Variants in SLC39A10 observed in about 807,000 individuals in gnomAD.
SLC39A10 encodes the protein zinc transporter ZIP10.
A neutral mutation model predicts 65.1 loss-of-function variants in SLC39A10; 13 were observed. The ratio of observed to expected loss-of-function variants is 0.20; its 90% CI spans 0.13 to 0.32. The LOEUF (loss-of-function observed/expected upper bound fraction) is 0.32. SLC39A10 is among the 10% of genes least tolerant of loss of function. SLC39A10 has a pLI of 1.00. For missense variants in SLC39A10, 831 were observed against 1,018.4 expected (o/e 0.82, Z 2.50); for synonymous variants, 321 against 342.2 (o/e 0.94, Z 0.68).
rs145386388 is a variant in SLC39A10, at chr2:195,701,463, T to C, written c.1217-5153T>C. Among the ~76,000 whole-genome samples, 518 of 127,076 alleles carry C rather than the reference T, an allele frequency of 4.1e-3. 11 individuals are homozygous for C. Among genetic ancestry groups the C allele is most frequent in the African/African-American group, 0.015 (492 of 32,716 alleles). 83.4% of individuals were successfully genotyped at this position (127,076 alleles called of 152,430 possible). Reference sequence around the variant, plus strand: ...TTTTTTTTTTTTTTTTTTTTTTTAATGTGCCTTGCTTTTTTGTTTCTTTGT... The same window carrying C: ...TTTTTTTTTTTTTTTTTTTTTTTAACGTGCCTTGCTTTTTTGTTTCTTTGT... On this transcript the variant is annotated intron_variant, in intron 3 of 9. Transcript: ENST00000359634.
chr2:195,698,020 G>A (rs1225056262), intron 3 of SLC39A10, among the ~76,000 whole-genome samples: 1 of 152,064 alleles, frequency 6.6e-6, no homozygotes, highest in Non-Finnish European at 1.5e-5. Flanking sequence ...ATGGTTCATT[G>A]TTAGTATATA....
intron 9 of SLC39A10, among the ~76,000 whole-genome samples, chr2:195,729,125 C>T (rs1241044298): frequency 6.6e-6 from 1 of 151,770 alleles, no homozygotes; most frequent in Non-Finnish European, 1.5e-5. Context: ...ATACCTGCCA[C>T]CACAGCCAGC....
chr2:195,731,318 G>A (rs934553460), intron 9 of SLC39A10, among the ~76,000 whole-genome samples: 1 of 152,092 alleles, frequency 6.6e-6, no homozygotes, highest in Non-Finnish European at 1.5e-5. Flanking sequence ...TCCTGCAGAC[G>A]TCCTCATGGC....
chr2:195,620,659 A>C (rs1459040148), intron 2 of SLC39A10, among the ~76,000 whole-genome samples: 2 of 151,916 alleles, frequency 1.3e-5, no homozygotes, highest in African/African-American at 4.8e-5. Flanking sequence ...ATACTGCCAT[A>C]AAATCCCCAC....
intron 1 of SLC39A10, among the ~76,000 whole-genome samples, chr2:195,667,283 G>T (rs1305953728): frequency 6.6e-6 from 1 of 152,204 alleles, no homozygotes; most frequent in African/African-American, 2.4e-5. Context: ...TTAGATAGCT[G>T]GTGAAGTAGG....
intron 1 of SLC39A10, 60 bp downstream of exon 1, chr2:195,657,341 C>T (rs1377823092): frequency 3.1e-6 from 3 of 971,526 alleles, no homozygotes; most frequent in South Asian, 4.7e-5. Context: ...CCGTGCGCGG[C>T]GGAGACTGCG....
At chr2:195,692,696 T>C (rs1055339592) in intron 3 of SLC39A10, among the ~76,000 whole-genome samples, 3 of 152,204 alleles carry the variant, frequency 2.0e-5, no homozygotes, top group Non-Finnish European at 4.4e-5. Flanking sequence ...CCTGAAACTT[T>C]GCTGAATTCA....
At chr2:195,642,128 G>C (rs1688823257) in intron 2 of SLC39A10, among the ~76,000 whole-genome samples, 2 of 152,142 alleles carry the variant, frequency 1.3e-5, no homozygotes, top group Admixed American at 1.3e-4. Flanking sequence ...GTCTATGCAT[G>C]GGAGGACCTG....
At chr2:195,614,866 C>A (rs1688173126) in intron 2 of SLC39A10, among the ~76,000 whole-genome samples, 1 of 152,052 alleles carries the variant, frequency 6.6e-6, no homozygotes, top group Non-Finnish European at 1.5e-5. Context: ...CCAACCTAGG[C>A]AACATAGCAA....
At chr2:195,689,719 T>TC (rs1690657339) in intron 3 of SLC39A10, among the ~76,000 whole-genome samples, 1 of 152,156 alleles carries the variant, frequency 6.6e-6, no homozygotes, top group Non-Finnish European at 1.5e-5. Context: ...AACTCCTATT[T>TC]CCCCCTCTCC....
At chr2:195,704,983 A>G (rs1574293204) in intron 3 of SLC39A10, among the ~76,000 whole-genome samples, 1 of 152,030 alleles carries the variant, frequency 6.6e-6, no homozygotes, top group South Asian at 2.1e-4. Flanking sequence ...TTTTTATTCC[A>G]TATGGAGTTT....
intron 2 of SLC39A10, among the ~76,000 whole-genome samples, chr2:195,650,990 G>A (rs1427852685): frequency 6.6e-6 from 1 of 151,834 alleles, no homozygotes; most frequent in African/African-American, 2.4e-5. Flanking sequence ...GATTTTGCTT[G>A]AGCCTGGGAG....
At chr2:195,625,416 C>T (rs1370148230) in intron 2 of SLC39A10, among the ~76,000 whole-genome samples, 1 of 151,588 alleles carries the variant, frequency 6.6e-6, no homozygotes, top group South Asian at 2.1e-4. Context: ...GCTGGAATTA[C>T]AGGCACCTGC....
intron 2 of SLC39A10, among the ~76,000 whole-genome samples, chr2:195,683,332 A>G (rs1219608764): frequency 1.3e-5 from 2 of 152,060 alleles, no homozygotes; most frequent in Non-Finnish European, 2.9e-5. Context: ...AATCTATTTA[A>G]TCTGTTTCAC....
Position 195,684,642 on chromosome 2 carries a change from A to G in SLC39A10, c.1216+736A>G, listed in dbSNP as rs536124125. Among the ~76,000 whole-genome samples the G allele has an allele frequency of 2.0e-5, 3 of 150,656 alleles. No individual in the cohort carries two copies. In the South Asian group the frequency reaches 6.3e-4, roughly 32 times the overall value. ...TTTTTTTTCTTTTCCTTTTTTTCCC[A>G]TTCTATAATCAGGTATGAAGTCCAG... is the stretch of plus-strand genomic sequence containing the variant. On this transcript the variant is annotated intron_variant, in intron 3 of 9. Transcript: ENST00000359634.
Position 195,638,185 on chromosome 2 carries a change from A to T in SLC39A10, c.-12+31952A>T, listed in dbSNP as rs58488227. ...TTTTTTATAAATAAATAGAGACGGGACCTTGCTATGTTGTCCAGGCTGATC... is the reference window on the plus strand; with the variant it reads ...TTTTTTATAAATAAATAGAGACGGGTCCTTGCTATGTTGTCCAGGCTGATC... On this transcript the variant is annotated intron_variant, in intron 2 of 2. Coordinates refer to the SLC39A10 transcript ENST00000458054. 1.0e-2 allele frequency among the ~76,000 whole-genome samples: 1,518 copies of T among 152,182 alleles called. 29 individuals carry two copies. The highest frequency in any genetic ancestry group is 0.034 in the African/African-American group (1,405 of 41,506).
chr2:195,716,998 C>G lies in SLC39A10; in HGVS notation c.2058C>G (p.Leu686=). ...GDGIHNFSDG[L]AIGAAFSAGL... ...GCATCCACAACTTCAGTGATGGGCT[C>G]GCAATTGGTAAGTGGACTGGAAACC... is the stretch of plus-strand genomic sequence containing the variant. The change falls in exon 7 of 10, where the codon CTC becomes CTG. Residue 686 remains leucine (L), a synonymous_variant. Coordinates refer to ENST00000359634, the MANE Select transcript of SLC39A10 (RefSeq NM_020342.3). 3 of 1,612,950 alleles carry G rather than the reference C, an allele frequency of 1.9e-6. No individual in the cohort carries two copies. The highest frequency in any genetic ancestry group is 2.5e-6 in the Non-Finnish European group (3 of 1,179,362).
chr2:195,663,977 A>G (rs929062112), intron 1 of SLC39A10, among the ~76,000 whole-genome samples: 2 of 152,056 alleles, frequency 1.3e-5, no homozygotes, highest in African/African-American at 4.8e-5. Context: ...TTTTCCAAAT[A>G]AAGTGAATAA....
chr2:195,702,982 A>G (rs2105805489), intron 3 of SLC39A10, among the ~76,000 whole-genome samples: 1 of 152,306 alleles, frequency 6.6e-6, no homozygotes, highest in East Asian at 1.9e-4. Context: ...AATAAATTCC[A>G]TGATCAGATA....
Sources: gnomAD v4.1 joint callset for allele counts (sites outside exome capture counted in the v4.1 genomes callset) on GRCh38, gnomAD v4.1.1 for gene constraint, MANE v1.5 for transcripts, NCBI Gene and HGNC (gene_info 2026-07-23, HGNC 2026-07-21) for gene names.